The following VPS45 variants were observed in gnomAD, a reference collection of about 807,000 sequenced individuals.
The protein encoded by VPS45 is vacuolar protein sorting 45 homolog.
VPS45 carries 35 observed loss-of-function variants against 75.9 expected under a neutral mutation model. That is an observed-to-expected ratio of 0.46 (90% CI 0.35 to 0.61). The LOEUF is 0.61. Among genes scored for constraint, VPS45 ranks in the 20% least tolerant of loss-of-function variants. The pLI, the probability that VPS45 is intolerant of heterozygous loss-of-function variation, is 0.00. For synonymous variants in VPS45, 220 were observed against 238.2 expected (o/e 0.92, Z 0.70); for missense variants, 559 against 685.9 (o/e 0.81, Z 2.07).
At position 150,076,954 on chromosome 1, in the gene VPS45, G is replaced by C. The variant is rs149263783; in HGVS notation, c.408G>C (p.Leu136Phe). Residue 136 changes from leucine (L) to phenylalanine (F), a missense_variant, in exon 5 of 15, where the codon TTG (leucine) becomes TTC (phenylalanine). Coordinates refer to ENST00000644510, the MANE Select transcript of VPS45 (RefSeq NM_007259.5). ...YGDYIAVNPHLFSLNILGCCQ... is the reference protein window; with the variant it reads ...YGDYIAVNPHFFSLNILGCCQ... ...ATTACATTGCTGTGAACCCACATTT[G>C]TTTTCCCTCAATATTTTGGGTTGCT... The C allele has an allele frequency of 1.4e-5, 22 of 1,614,026 alleles. No homozygotes were observed. Among genetic ancestry groups the C allele is most frequent in the Non-Finnish European group, 1.6e-5 (19 of 1,179,984 alleles).
chr1:150,140,502 GTATTAT>G (rs1258633944), intron 14 of VPS45, among the ~76,000 whole-genome samples: 6 of 150,344 alleles, frequency 4.0e-5, no homozygotes, highest in African/African-American at 1.5e-4. Context: ...CATTATTATT[GTATTAT>G]TATTATTAAC....
chr1:150,130,198 C>CACTTTTTTT (rs1553811982), intron 14 of VPS45, among the ~76,000 whole-genome samples: 2 of 86,330 alleles, frequency 2.3e-5, no homozygotes, highest in African/African-American at 1.0e-4. Context: ...CACACACACA[C>CACTTTTTTT]TTTTTTTTTT....
rs191967465 is a variant in VPS45 at position 150,088,959 on chromosome 1, A to G, written c.1105-2978A>G. On this transcript the variant is annotated intron_variant, in intron 10 of 14. Coordinates refer to ENST00000644510, the MANE Select transcript of VPS45 (RefSeq NM_007259.5). ...GATTGCTAAATCATATAGTAGTTCTATTTTTAATTTTTTAAGGAATCTTCA... is the reference window on the plus strand; with the variant it reads ...GATTGCTAAATCATATAGTAGTTCTGTTTTTAATTTTTTAAGGAATCTTCA... 2.5e-3 allele frequency among the ~76,000 whole-genome samples: 382 copies of G among 152,254 alleles called. 3 individuals carry two copies. The highest frequency in any genetic ancestry group is 8.9e-3 in the African/African-American group (370 of 41,528).
At position 150,082,745 on chromosome 1, in the gene VPS45, G is replaced by T; in HGVS notation, c.966G>T (p.Lys322Asn). The T allele has an allele frequency of 3.1e-6, 5 of 1,613,728 alleles. No homozygotes were observed. Among genetic ancestry groups the T allele is most frequent in the Non-Finnish European group, 4.2e-6 (5 of 1,179,926 alleles). The change falls in exon 10 of 15, where the codon AAG becomes AAT. Residue 322 changes from lysine to asparagine, a missense_variant. Coordinates refer to ENST00000644510, the MANE Select transcript of VPS45 (RefSeq NM_007259.5). ...KAFVENYPQF[K>N]KMSGTVSKHV... Reference sequence around the variant, plus strand: ...TTGTTGAGAATTATCCACAGTTCAAGAAAATGTCTGGGACTGTTTCAAAGC... The same window carrying T: ...TTGTTGAGAATTATCCACAGTTCAATAAAATGTCTGGGACTGTTTCAAAGC...
intron 14 of VPS45, among the ~76,000 whole-genome samples, chr1:150,124,450 C>G (rs1043332111): frequency 2.6e-5 from 4 of 151,178 alleles, no homozygotes; most frequent in Admixed American, 6.6e-5. Flanking sequence ...GAGACCAAGA[C>G]TCCGTCTTGG....
In VPS45 at chr1:150,082,722, G is replaced by A; in HGVS notation, c.943G>A (p.Val315Ile). The A allele has an allele frequency of 6.2e-7, 1 of 1,612,438 alleles. No homozygotes were observed. ...LESIADMKAF[V>I]ENYPQFKKMS... ...GATGTTTTTCCCATGGCAGGCGTTT[G>A]TTGAGAATTATCCACAGTTCAAGAA... Residue 315 changes from valine to isoleucine, a missense_variant, in exon 10 of 15, where the codon GTT becomes ATT. Val to Ile is a conservative substitution (Grantham distance 29). Coordinates refer to ENST00000644510, the MANE Select transcript of VPS45 (RefSeq NM_007259.5).
chr1:150,093,093 G>A (rs983101175), intron 12 of VPS45, among the ~76,000 whole-genome samples: 10 of 151,822 alleles, frequency 6.6e-5, no homozygotes, highest in South Asian at 2.1e-4. Context: ...TGATCTGCCC[G>A]CCTCGGCCTC....
intron 14 of VPS45, among the ~76,000 whole-genome samples, chr1:150,111,522 G>C (rs757179035): frequency 2.0e-5 from 3 of 152,096 alleles, no homozygotes; most frequent in Non-Finnish European, 4.4e-5. Context: ...AACTCACGGT[G>C]TTTTAGGAGG....
intron 14 of VPS45, among the ~76,000 whole-genome samples, chr1:150,144,483 T>TAA (rs797023947): frequency 0.023 from 3,450 of 149,580 alleles, 97 homozygotes; most frequent in African/African-American, 0.075. Context: ...AATTTAATTC[T>TAA]AAAAAAAAAA....
In VPS45 at chr1:150,076,063, AATATAT is replaced by A. The variant is rs71825614; in HGVS notation, c.290-154_290-149del. Among the ~76,000 whole-genome samples the A allele has an allele frequency of 7.4e-3, 1,039 of 140,050 alleles. 8 individuals carry two copies. Among genetic ancestry groups the A allele is most frequent in the Middle Eastern group, 0.036 (10 of 278 alleles). 91.9% of individuals were successfully genotyped at this position (140,050 alleles called of 152,430 possible). On this transcript the variant is annotated intron_variant, in intron 3 of 14. Coordinates refer to ENST00000644510, the MANE Select transcript of VPS45 (RefSeq NM_007259.5). The stretch of plus-strand genomic sequence containing the variant: ...CACCGCGCCTGGCCAGTCCTTTTAA[AATATAT>A]ATATATATATATATAAAATTATGAA...
chr1:150,102,269 G>T (rs1553804639), intron 13 of VPS45, among the ~76,000 whole-genome samples: 3 of 148,748 alleles, frequency 2.0e-5, no homozygotes, highest in South Asian at 4.2e-4. Context: ...CACATGCATG[G>T]CCAGGTTGGG....
intron 10 of VPS45, among the ~76,000 whole-genome samples, chr1:150,090,407 A>G (rs1479083946): frequency 3.9e-5 from 6 of 152,042 alleles, no homozygotes; most frequent in Non-Finnish European, 7.4e-5. Context: ...TGTTTTTTGC[A>G]TACATGTTTC....
intron 2 of VPS45, 46 bp from the exon 3 acceptor site, chr1:150,072,120 T>C (rs1386974087): frequency 1.7e-5 from 26 of 1,543,280 alleles, no homozygotes; most frequent in Non-Finnish European, 2.2e-5. Context: ...CTTTTTTCCT[T>C]AAGCAACTCT....
intron 3 of VPS45, among the ~76,000 whole-genome samples, chr1:150,075,742 C>T (rs587640838): frequency 1.3e-5 from 2 of 152,000 alleles, no homozygotes; most frequent in East Asian, 3.9e-4. Context: ...GACTTACTTC[C>T]CTAGTATTCT....
chr1:150,140,165 A>G (rs1341405299), intron 14 of VPS45, among the ~76,000 whole-genome samples: 1 of 151,486 alleles, frequency 6.6e-6, no homozygotes, highest in Non-Finnish European at 1.5e-5. Flanking sequence ...TGGCCTCCCA[A>G]AGTGCTGGGA....
intron 10 of VPS45, among the ~76,000 whole-genome samples, chr1:150,088,037 T>A (rs1388265894): frequency 1.3e-5 from 2 of 152,186 alleles, no homozygotes; most frequent in African/African-American, 2.4e-5. Context: ...AATTAGCATA[T>A]CCATCACCTT....
chr1:150,115,364 A>C (rs1416857502), intron 14 of VPS45, among the ~76,000 whole-genome samples: 1 of 152,050 alleles, frequency 6.6e-6, no homozygotes, highest in Non-Finnish European at 1.5e-5. Flanking sequence ...TATGCTCACG[A>C]GTTCTATTTT....
chr1:150,099,520 A>G (rs1656853104), intron 13 of VPS45, among the ~76,000 whole-genome samples: 1 of 141,690 alleles, frequency 7.1e-6, no homozygotes, highest in African/African-American at 2.9e-5. Flanking sequence ...AAAAAAAAAA[A>G]CACCTCTCAA....
chr1:150,081,604 A>G (rs1393791398), intron 8 of VPS45, 128 bp downstream of exon 8: 3 of 1,138,316 alleles, frequency 2.6e-6, no homozygotes, highest in Non-Finnish European at 3.7e-6. Flanking sequence ...CCTGTGCATA[A>G]ACTGCCTCTG....
Sources: allele counts gnomAD v4.1 joint callset (sites outside exome capture counted in the v4.1 genomes callset), GRCh38; gene constraint gnomAD v4.1.1; transcripts MANE v1.5; gene names NCBI Gene and HGNC (gene_info 2026-07-23, HGNC 2026-07-21).